The following CD163L1 variants were observed in gnomAD, a reference collection of about 807,000 sequenced individuals.
The protein encoded by CD163L1 is scavenger receptor cysteine-rich type 1 protein M160.
In CD163L1, 124 loss-of-function variants were observed where a neutral mutation model predicts 165.4. The observed-to-expected ratio is 0.75, with a 90% CI of 0.65 to 0.87. The LOEUF is 0.87. Among genes scored for constraint, CD163L1 ranks in the 40% least tolerant of loss-of-function variants. CD163L1 has a pLI of 0.00. For synonymous variants in CD163L1, 585 were observed against 662.2 expected (o/e 0.88, Z 1.79); for missense variants, 1,525 against 1,799.9 (o/e 0.85, Z 2.76).
chr12:7,406,076 T>C (rs768885321), intron 5 of CD163L1, among the ~76,000 whole-genome samples: 22 of 152,320 alleles, frequency 1.4e-4, no homozygotes, highest in African/African-American at 4.6e-4. Context: ...AATTTTTAGA[T>C]AGGTACTCTT....
the CD163L1 span, chr12:7,322,528 G>A: frequency 6.2e-7 from 1 of 1,613,722 alleles, no homozygotes; most frequent in Middle Eastern, 1.7e-4. Context: ...GAGGGCTATG[G>A]ACAGACGGAA....
At chr12:7,387,760 G>A (rs753214457) in intron 8 of CD163L1, among the ~76,000 whole-genome samples, 13 of 152,074 alleles carry the variant, frequency 8.5e-5, no homozygotes, top group South Asian at 2.1e-4. Flanking sequence ...ACCCAGCCTC[G>A]AGTATTCCTT....
chr12:7,370,183 T>C (rs1683298599), intron 14 of CD163L1, among the ~76,000 whole-genome samples: 2 of 152,202 alleles, frequency 1.3e-5, no homozygotes, highest in South Asian at 4.1e-4. Context: ...AAATGAACAA[T>C]GCTTTGGCAC....
intron 4 of CD163L1, among the ~76,000 whole-genome samples, chr12:7,421,689 A>G (rs925442456): frequency 2.5e-4 from 36 of 141,868 alleles, no homozygotes; most frequent in African/African-American, 9.4e-4. Flanking sequence ...ATGTACATAT[A>G]CATATATGTA....
the CD163L1 span, among the ~76,000 whole-genome samples, chr12:7,331,207 T>A: frequency 6.6e-6 from 1 of 152,140 alleles, no homozygotes; most frequent in Non-Finnish European, 1.5e-5. Flanking sequence ...CAGTCTGAGA[T>A]CAAACTGCAA....
intron 4 of CD163L1, among the ~76,000 whole-genome samples, chr12:7,421,624 T>TATATACATGTACATATATAC (rs1948432280): frequency 5.8e-4 from 2 of 3,454 alleles, no homozygotes; most frequent in African/African-American, 1.2e-3. Context: ...TATATGTACA[T>TATATACATGTACATATATAC]ATATACATAT....
the CD163L1 span, chr12:7,324,473 G>C: frequency 1.9e-5 from 30 of 1,613,868 alleles, no homozygotes; most frequent in Non-Finnish European, 2.5e-5. Flanking sequence ...AGGATGTGGT[G>C]GTCAAAAACT....
At chr12:7,393,683 A>C (rs917449416) in intron 8 of CD163L1, among the ~76,000 whole-genome samples, 5 of 152,230 alleles carry the variant, frequency 3.3e-5, no homozygotes, top group African/African-American at 1.2e-4. Context: ...CCATTGTCTC[A>C]GCCCAAAATC....
intron 4 of CD163L1, among the ~76,000 whole-genome samples, chr12:7,414,510 CAGAGA>C (rs1948199233): frequency 6.6e-6 from 1 of 151,732 alleles, no homozygotes; most frequent in Non-Finnish European, 1.5e-5. Flanking sequence ...ATAGAAATTA[CAGAGA>C]AGAGAAAAAG....
At chr12:7,345,962 G>A (rs767140940), downstream of CD163L1, among the ~76,000 whole-genome samples, 17 of 152,160 alleles carry the variant, frequency 1.1e-4, no homozygotes, top group African/African-American at 3.4e-4. Context: ...TTACAAGGAC[G>A]GCACCAAGAC....
At chr12:7,381,963 T>A (rs11833607) in intron 8 of CD163L1, among the ~76,000 whole-genome samples, 2,188 of 122,348 alleles carry the variant, frequency 0.018, 72 homozygotes, top group African/African-American at 0.081. Context: ...ATTAAAAAAA[T>A]ATATATTTAT....
chr12:7,393,546 C>T (rs1022950911), intron 8 of CD163L1, among the ~76,000 whole-genome samples: 6 of 152,146 alleles, frequency 3.9e-5, no homozygotes, highest in African/African-American at 1.4e-4. Context: ...CACTCCTATT[C>T]AACATAGTGT....
chr12:7,385,843 G>C (rs987528483), intron 8 of CD163L1, among the ~76,000 whole-genome samples: 3 of 151,176 alleles, frequency 2.0e-5, no homozygotes, highest in African/African-American at 4.9e-5. Flanking sequence ...AAAGCCTATG[G>C]GATACACCAA....
rs751297481 is a variant in CD163L1 at position 7,403,658 on chromosome 12, T to C, written c.1285A>G (p.Arg429Gly). ...GATATGCTGTTTATCCAAATGTCTCTAGCTTCATTACTAGGTTTAGCACGA... is the reference window on the plus strand; with the variant it reads ...GATATGCTGTTTATCCAAATGTCTCCAGCTTCATTACTAGGTTTAGCACGA... ...SRRAKPSNEA[R>G]DIWINSISCT... The change falls in exon 6 of 20, where the codon AGA becomes GGA. Residue 429 changes from arginine to glycine, a missense_variant. Coordinates refer to ENST00000313599, the MANE Select transcript of CD163L1 (RefSeq NM_174941.6). The C allele has an allele frequency of 1.4e-5, 22 of 1,614,088 alleles. No individual in the cohort carries two copies. The South Asian group carries it at 2.1e-4, about 15-fold the overall frequency.
At chr12:7,358,542 GGGCAC>G (rs1457741117) in intron 18 of CD163L1, among the ~76,000 whole-genome samples, 1 of 152,032 alleles carries the variant, frequency 6.6e-6, no homozygotes, top group African/African-American at 2.4e-5. Context: ...ACTAAAACAA[GGGCAC>G]CAGAAGAAAT....
chr12:7,399,726 T>C (rs1167776363), intron 6 of CD163L1, among the ~76,000 whole-genome samples: 1 of 151,974 alleles, frequency 6.6e-6, no homozygotes, highest in African/African-American at 2.4e-5. Flanking sequence ...CACCTCAGCC[T>C]CCCGAGTAGC....
rs746808608 is a variant in CD163L1 at position 7,379,186 on chromosome 12, C to A, written c.2163G>T (p.Met721Ile). The change falls in exon 9 of 20, where the codon ATG (methionine) becomes ATT (isoleucine). Residue 721 changes from methionine (M) to isoleucine (I), a missense_variant. Met to Ile is a conservative substitution (Grantham distance 10, BLOSUM62 1). Transcript: ENST00000313599. Reference protein sequence around the residue: ...VGILCANGWGMNIAEVVCRQL... With the variant: ...VGILCANGWGINIAEVVCRQL... ...GCCTGCAAACAACTTCAGCAATGTT[C>A]ATTCCCCAGCCATTAGCACACAGAA... The A allele has an allele frequency of 1.9e-6, 3 of 1,614,170 alleles. No individual in the cohort carries two copies. Among genetic ancestry groups the A allele is most frequent in the South Asian group, 2.2e-5 (2 of 91,070 alleles).
the CD163L1 span, chr12:7,320,807 A>G: frequency 3.5e-5 from 57 of 1,608,020 alleles, no homozygotes; most frequent in Admixed American, 8.3e-5. Flanking sequence ...CTTAAGAGGT[A>G]CTTGGGCAGA....
intron 17 of CD163L1, 51 bp from the exon 18 acceptor site, chr12:7,367,382 T>C: frequency 8.4e-7 from 1 of 1,194,784 alleles, no homozygotes; most frequent in Non-Finnish European, 1.2e-6. Flanking sequence ...GGCCTATCCC[T>C]TATATTAGGA....
Sources: gnomAD v4.1 joint callset for allele counts (sites outside exome capture counted in the v4.1 genomes callset) on GRCh38, gnomAD v4.1.1 for gene constraint, MANE v1.5 for transcripts, NCBI Gene and HGNC (gene_info 2026-07-23, HGNC 2026-07-21) for gene names.